FOXK2: variants seen among roughly 807,000 people sequenced by gnomAD.
The protein encoded by FOXK2 is forkhead box protein K2.
Under a neutral mutation model 53.3 loss-of-function variants are expected in FOXK2, and 24 were observed. That is an observed-to-expected ratio of 0.45 (90% CI 0.33 to 0.63). The LOEUF (loss-of-function observed/expected upper bound fraction) is 0.63. Ranked by LOEUF, FOXK2 falls within the 30% of genes least tolerant of loss-of-function variation. FOXK2 has a pLI of 0.03. For missense variants in FOXK2, 952 were observed against 910.5 expected (o/e 1.05, Z -0.59); for synonymous variants, 505 against 407.1 (o/e 1.24, Z -2.89).
rs372593596 is a variant in FOXK2 at position 82,601,424 on chromosome 17, C to G, written c.1908C>G (p.Asp636Glu). Residue 636 changes from aspartate (D) to glutamate (E), a missense_variant, in exon 9 of 9, where the codon GAC becomes GAG. By Grantham distance (45) the Asp-to-Glu change is conservative (BLOSUM62 2). This residue lies in a region of FOXK2 where 551 missense variants were observed against 385.1 expected (regional missense o/e 1.43). Coordinates refer to ENST00000335255, the MANE Select transcript of FOXK2 (RefSeq NM_004514.4). ...AGCTGAAGCGGATCAAGACAGAAGA[C>G]GGCGAGGGCATCGTCATTGCCCTGA... is the stretch of plus-strand genomic sequence containing the variant. Reference protein sequence around the residue: ...QPELKRIKTEDGEGIVIALSV... With the variant: ...QPELKRIKTEEGEGIVIALSV... The G allele has an allele frequency of 6.2e-7, 1 of 1,612,706 alleles. No homozygotes were observed. The highest frequency in any genetic ancestry group is 1.3e-5 in the African/African-American group (1 of 74,936).
At position 82,601,708 on chromosome 17, in the gene FOXK2, CGG is replaced by C. The variant is rs2143189187; in HGVS notation, c.*210_*211del. ...ACACAACAAAACCTGATTTGGGAGA[CGG>C]TGTCTCCACTGAGCACCTGCTGGGC... On this transcript the variant is annotated 3_prime_UTR_variant, in exon 9 of 9. Coordinates refer to ENST00000335255, the MANE Select transcript of FOXK2 (RefSeq NM_004514.4). The C allele has an allele frequency of 9.6e-6, 5 of 519,392 alleles. No individual in the cohort carries two copies. The South Asian group carries it at 1.4e-4, about 15-fold the overall frequency. The allele number at this position is 519,392 out of a possible 1,614,324, so 32.2% of individuals were successfully genotyped here. A position where few individuals can be genotyped will look rare whatever the true frequency, so the allele number is the denominator to read the frequency against.
rs201983925 is a variant in FOXK2, at chr17:82,601,275, G to T, written c.1787-28G>T. On this transcript the variant is annotated intron_variant, in intron 8 of 8. Transcript: ENST00000335255. The stretch of plus-strand genomic sequence containing the variant: ...TCGCGAGGGTTCACGTGAGAGCGTG[G>T]GGTTCTGACTCCCTCGTGTCATTTC... 9.5e-4 allele frequency: 1,513 copies of T among 1,599,428 alleles called. 1 individual carries two copies. The highest frequency in any genetic ancestry group is 1.1e-3 in the Non-Finnish European group (1,262 of 1,171,630).
chr17:82,591,489 C>T (rs1156429564), intron 8 of FOXK2, among the ~76,000 whole-genome samples: 1 of 152,158 alleles, frequency 6.6e-6, no homozygotes, highest in Non-Finnish European at 1.5e-5. Flanking sequence ...GAGATGGAAG[C>T]CGGGAGGCTT....
At chr17:82,528,251 AGGCT>A (rs1298620417) in intron 1 of FOXK2, among the ~76,000 whole-genome samples, 2 of 152,194 alleles carry the variant, frequency 1.3e-5, no homozygotes, top group East Asian at 1.9e-4. Flanking sequence ...CCAGGAGATG[AGGCT>A]GTTACAGTAA....
At position 82,520,831 on chromosome 17, in the gene FOXK2, G is replaced by A. The variant is rs182713460; in HGVS notation, c.419+524G>A. Among the ~76,000 whole-genome samples the A allele has an allele frequency of 1.1e-3, 168 of 152,262 alleles. 1 individual carries two copies. The highest frequency in any genetic ancestry group is 1.7e-3 in the Non-Finnish European group (118 of 68,012). ...CAGGAAGGACTCCTTTTTCCCTGCCGTGTTTTCAGTAGGCCAAATTGGAAG... is the reference window on the plus strand; with the variant it reads ...CAGGAAGGACTCCTTTTTCCCTGCCATGTTTTCAGTAGGCCAAATTGGAAG... On this transcript the variant is annotated intron_variant, in intron 1 of 8. Coordinates refer to ENST00000335255, the MANE Select transcript of FOXK2 (RefSeq NM_004514.4).
At chr17:82,580,883 T>A (rs901841567) in intron 4 of FOXK2, among the ~76,000 whole-genome samples, 1 of 145,776 alleles carries the variant, frequency 6.9e-6, no homozygotes. Flanking sequence ...AGTAGCTCCA[T>A]CCACAGGGCC....
chr17:82,587,452 G>C, intron 8 of FOXK2, 180 bp downstream of exon 8: 1 of 617,816 alleles, frequency 1.6e-6, no homozygotes, highest in Non-Finnish European at 2.9e-6. Flanking sequence ...CGGCCGTCAT[G>C]GGATTCCCGT....
At chr17:82,532,668 C>A (rs777053932) in intron 1 of FOXK2, among the ~76,000 whole-genome samples, 1 of 152,084 alleles carries the variant, frequency 6.6e-6, no homozygotes, top group Non-Finnish European at 1.5e-5. Context: ...CTCACTGCAA[C>A]CTCTGCCTCC....
At chr17:82,576,826 C>A in intron 4 of FOXK2, 1 of 564,492 alleles carries the variant, frequency 1.8e-6, no homozygotes, top group South Asian at 2.1e-5. Context: ...ATCCAGAAAT[C>A]CGCTCCAGCA....
At chr17:82,535,569 C>A (rs1009864425) in intron 1 of FOXK2, among the ~76,000 whole-genome samples, 1 of 152,126 alleles carries the variant, frequency 6.6e-6, no homozygotes, top group African/African-American at 2.4e-5. Context: ...TTTCCTGATT[C>A]TTCTTGTGCC....
chr17:82,587,347 G>C lies in FOXK2; in HGVS notation c.1786+75G>C, dbSNP rs73371725. Reference sequence around the variant, plus strand: ...GAGCCCCTTCTCACTCGTGGTTTCGGTTCTGACTGTAACAATTTTAGCTTT... The same window carrying C: ...GAGCCCCTTCTCACTCGTGGTTTCGCTTCTGACTGTAACAATTTTAGCTTT... On this transcript the variant is annotated intron_variant, in intron 8 of 8. Coordinates refer to ENST00000335255, the MANE Select transcript of FOXK2 (RefSeq NM_004514.4). 7.9e-4 allele frequency: 913 copies of C among 1,159,110 alleles called. 5 individuals carry two copies. In the African/African-American group the frequency reaches 0.012, roughly 16 times the overall value. 71.8% of individuals were successfully genotyped at this position (1,159,110 alleles called of 1,614,324 possible).
chr17:82,595,099 T>C (rs1277557371), intron 8 of FOXK2, among the ~76,000 whole-genome samples: 3 of 152,146 alleles, frequency 2.0e-5, no homozygotes, highest in Non-Finnish European at 4.4e-5. Flanking sequence ...TTGACAGCAT[T>C]TTGTGGATAG....
chr17:82,538,895 A>G (rs8076573), intron 1 of FOXK2, among the ~76,000 whole-genome samples: 112,149 of 152,096 alleles, frequency 0.74, 41,646 homozygotes, highest in South Asian at 0.84. Flanking sequence ...TCCTTCCAAA[A>G]CAGTTAGAAG....
At chr17:82,580,236 C>A (rs551376775) in intron 4 of FOXK2, among the ~76,000 whole-genome samples, 2 of 135,450 alleles carry the variant, frequency 1.5e-5, no homozygotes, top group East Asian at 4.5e-4. Context: ...CTCCATGTCA[C>A]CATGAAGTAG....
At chr17:82,586,251 G>T (rs55831349) in intron 7 of FOXK2, 51 bp downstream of exon 7, 1 of 406,272 alleles carries the variant, frequency 2.5e-6, no homozygotes, top group African/African-American at 4.7e-5. Flanking sequence ...GGTGAAAGGT[G>T]GGCCGGGGGG....
At chr17:82,566,741 T>C (rs1313989512) in intron 2 of FOXK2, among the ~76,000 whole-genome samples, 1 of 152,150 alleles carries the variant, frequency 6.6e-6, no homozygotes, top group Non-Finnish European at 1.5e-5. Context: ...TGCTTTCTTT[T>C]CATCCTGCGT....
chr17:82,539,046 A>G (rs2044548341), intron 1 of FOXK2, among the ~76,000 whole-genome samples: 1 of 152,232 alleles, frequency 6.6e-6, no homozygotes, highest in Non-Finnish European at 1.5e-5. Flanking sequence ...GTGGTATGAG[A>G]ATGGGAGGGA....
At chr17:82,578,337 A>G (rs1192577900) in intron 4 of FOXK2, 1 of 152,270 alleles carries the variant, frequency 6.6e-6, no homozygotes, top group Non-Finnish European at 1.5e-5. Flanking sequence ...TTTTCAGCAG[A>G]CGCTCAATTT....
chr17:82,587,412 C>G (rs1313387936), intron 8 of FOXK2, 140 bp downstream of exon 8: 1 of 706,844 alleles, frequency 1.4e-6, no homozygotes, highest in South Asian at 1.7e-5. Context: ...TGCAGGAAAT[C>G]TAGTCATGCT....
Sources: gnomAD v4.1 joint callset for allele counts (sites outside exome capture counted in the v4.1 genomes callset) on GRCh38, gnomAD v4.1.1 for gene constraint, gnomAD v4.1.1 regional missense constraint, MANE v1.5 for transcripts, NCBI Gene and HGNC (gene_info 2026-07-23, HGNC 2026-07-21) for gene names.